Variants in FBXO36 observed in about 807,000 individuals in gnomAD.
FBXO36 encodes the protein F-box protein 36.
Under a neutral mutation model 17.0 loss-of-function variants are expected in FBXO36, and 18 were observed. The ratio of observed to expected loss-of-function variants is 1.06; its 90% CI spans 0.73 to 1.57. FBXO36 has a LOEUF of 1.57. FBXO36 is among the 40% of genes most tolerant of loss of function. The pLI is 0.00. For missense variants in FBXO36, 229 were observed against 221.9 expected (o/e 1.03, Z -0.20); for synonymous variants, 83 against 85.3 (o/e 0.97, Z 0.15).
At chr2:229,968,896 C>T (rs1489339202) in intron 1 of FBXO36, among the ~76,000 whole-genome samples, 1 of 151,760 alleles carries the variant, frequency 6.6e-6, no homozygotes, top group Non-Finnish European at 1.5e-5. Flanking sequence ...GCCTCAGCCT[C>T]CCGAGTAGCT....
At chr2:229,952,617 C>G (rs2077062906) in intron 1 of FBXO36, among the ~76,000 whole-genome samples, 2 of 152,172 alleles carry the variant, frequency 1.3e-5, no homozygotes, top group Admixed American at 1.3e-4. Context: ...GCCGAGAAAT[C>G]TAAAGTGCCT....
intron 1 of FBXO36, among the ~76,000 whole-genome samples, chr2:229,925,687 T>G (rs73103536): frequency 0.011 from 1,724 of 152,328 alleles, 31 homozygotes; most frequent in African/African-American, 0.04. Context: ...ACTGCACATT[T>G]GACATGGATT....
chr2:229,924,457 T>C (rs2076893417), intron 1 of FBXO36, among the ~76,000 whole-genome samples: 1 of 152,224 alleles, frequency 6.6e-6, no homozygotes, highest in South Asian at 2.1e-4. Context: ...AAATATAATC[T>C]GTTCTAATCT....
At chr2:229,996,278 A>T (rs527869521) in intron 2 of FBXO36, among the ~76,000 whole-genome samples, 32 of 152,204 alleles carry the variant, frequency 2.1e-4, no homozygotes, top group African/African-American at 4.8e-4. Context: ...AAAAAAAAAA[A>T]AATAAGTTAA....
chr2:229,944,346 C>T lies in FBXO36; in HGVS notation c.96+21737C>T, dbSNP rs547525141. 2.0e-3 allele frequency among the ~76,000 whole-genome samples: 305 copies of T among 152,166 alleles called. 1 individual carries two copies. Among genetic ancestry groups the T allele is most frequent in the African/African-American group, 7.2e-3 (297 of 41,512 alleles). On this transcript the variant is annotated intron_variant, in intron 1 of 3. Transcript: ENST00000283946. Reference sequence around the variant, plus strand: ...AGACAGCCTAGACAAGTTTACATTCCGCATTAAACACTTGGATTTATTTAA... The same window carrying T: ...AGACAGCCTAGACAAGTTTACATTCTGCATTAAACACTTGGATTTATTTAA...
intron 3 of FBXO36, among the ~76,000 whole-genome samples, chr2:229,998,042 T>C (rs1292658853): frequency 6.6e-6 from 1 of 152,216 alleles, no homozygotes; most frequent in Non-Finnish European, 1.5e-5. Flanking sequence ...AGCTCGGTAT[T>C]TAGCTGTAAT....
chr2:229,941,306 T>A (rs2076997451), intron 1 of FBXO36, among the ~76,000 whole-genome samples: 1 of 151,502 alleles, frequency 6.6e-6, no homozygotes. Flanking sequence ...ATACAAAAAA[T>A]TAGCTGGGTG....
At chr2:229,962,225 G>A (rs1349838817) in intron 1 of FBXO36, among the ~76,000 whole-genome samples, 1 of 151,550 alleles carries the variant, frequency 6.6e-6, no homozygotes, top group Non-Finnish European at 1.5e-5. Context: ...TTATTTTTAG[G>A]TATTTTATTG....
At chr2:229,925,502 T>C (rs1011972968) in intron 1 of FBXO36, among the ~76,000 whole-genome samples, 2 of 152,212 alleles carry the variant, frequency 1.3e-5, no homozygotes, top group East Asian at 3.8e-4. Flanking sequence ...TTTTCTGGAA[T>C]GACTTTCTAA....
chr2:229,932,117 C>T (rs2076941797), intron 1 of FBXO36, among the ~76,000 whole-genome samples: 1 of 152,030 alleles, frequency 6.6e-6, no homozygotes, highest in Non-Finnish European at 1.5e-5. Context: ...GCGCAGTAGT[C>T]ACACCTGTAA....
intron 1 of FBXO36, among the ~76,000 whole-genome samples, chr2:229,945,753 T>G (rs2077023582): frequency 6.6e-6 from 1 of 151,962 alleles, no homozygotes; most frequent in Non-Finnish European, 1.5e-5. Flanking sequence ...CCAGGCGCGG[T>G]GGCTCATGCC....
intron 1 of FBXO36, among the ~76,000 whole-genome samples, chr2:229,974,777 T>C (rs2077198857): frequency 6.6e-6 from 1 of 152,176 alleles, no homozygotes; most frequent in East Asian, 1.9e-4. Flanking sequence ...AAACTTGCAG[T>C]GCAGAGAGAT....
At chr2:229,933,260 G>T (rs1041226948) in intron 1 of FBXO36, among the ~76,000 whole-genome samples, 3 of 151,930 alleles carry the variant, frequency 2.0e-5, no homozygotes, top group Non-Finnish European at 4.4e-5. Flanking sequence ...TGGCGGTAGA[G>T]TCCTATAATT....
chr2:229,980,439 C>T (rs1289955792), intron 2 of FBXO36, among the ~76,000 whole-genome samples: 1 of 152,066 alleles, frequency 6.6e-6, no homozygotes, highest in African/African-American at 2.4e-5. Flanking sequence ...TCCTTGAGAC[C>T]ATGTGGTTTT....
chr2:229,988,722 G>A (rs142631471), intron 2 of FBXO36, among the ~76,000 whole-genome samples: 1,523 of 151,898 alleles, frequency 0.01, 10 homozygotes, highest in Middle Eastern at 0.017. Flanking sequence ...TCTTAGTAGA[G>A]ATGGGGTTTC....
rs571526305 is a variant in FBXO36, at chr2:229,992,537, G to A, written c.206-4214G>A. 7.0e-4 allele frequency among the ~76,000 whole-genome samples: 107 copies of A among 152,198 alleles called. 1 individual carries two copies. Among genetic ancestry groups the A allele is most frequent in the South Asian group, 4.8e-3 (23 of 4,822 alleles). On this transcript the variant is annotated intron_variant, in intron 2 of 3. Transcript: ENST00000283946. ...CTAATGGTTTCTTCTTGGCTCTTCA[G>A]GCTTTCACCAACCCTCTCGTCACAC...
chr2:229,933,768 C>T (rs947810438), intron 1 of FBXO36, among the ~76,000 whole-genome samples: 5 of 152,204 alleles, frequency 3.3e-5, no homozygotes. Context: ...TCACTGCAAC[C>T]CACACTTCCC....
intron 2 of FBXO36, 99 bp from the exon 3 acceptor site, chr2:229,996,652 C>A: frequency 7.6e-7 from 1 of 1,317,272 alleles, no homozygotes; most frequent in Non-Finnish European, 1.0e-6. Context: ...TAACGTCACT[C>A]CCAGGGGAAA....
At chr2:229,924,728 C>T (rs1450174285) in intron 1 of FBXO36, among the ~76,000 whole-genome samples, 1 of 150,836 alleles carries the variant, frequency 6.6e-6, no homozygotes, top group Non-Finnish European at 1.5e-5. Flanking sequence ...TCAGACTTTG[C>T]TCTCAAGTCT....
Sources: allele counts gnomAD v4.1 joint callset (sites outside exome capture counted in the v4.1 genomes callset), GRCh38; gene constraint gnomAD v4.1.1; transcripts MANE v1.5; gene names NCBI Gene and HGNC (gene_info 2026-07-23, HGNC 2026-07-21).